SCFD1: variants seen among roughly 807,000 people sequenced by gnomAD.
SCFD1 encodes sec1 family domain containing 1.
Under a neutral mutation model 103.2 loss-of-function variants are expected in SCFD1, and 37 were observed. That is an observed-to-expected ratio of 0.36 (90% CI 0.28 to 0.47). The LOEUF is 0.47. Among genes scored for constraint, SCFD1 ranks in the 20% least tolerant of loss-of-function variants. The pLI is 1.00. For missense variants in SCFD1, 639 were observed against 761.2 expected, an observed-to-expected ratio of 0.84 and a Z score of 1.89; for synonymous variants, 264 against 245.0, an observed-to-expected ratio of 1.08 and a Z score of -0.73.
intron 12 of SCFD1, 129 bp from the exon 13 acceptor site, chr14:30,673,795 C>T (rs1888768514): frequency 1.0e-5 from 7 of 668,298 alleles, no homozygotes; most frequent in Non-Finnish European, 1.9e-5. Context: ...AATTACTATT[C>T]TAGGTGACTT....
intron 6 of SCFD1, among the ~76,000 whole-genome samples, chr14:30,642,497 T>G (rs1885381310): frequency 6.6e-6 from 1 of 152,184 alleles, no homozygotes. Context: ...TTCCCCATAT[T>G]CCCTGGGTGA....
At chr14:30,639,481 T>TA (rs1885054801) in intron 5 of SCFD1, among the ~76,000 whole-genome samples, 1 of 152,230 alleles carries the variant, frequency 6.6e-6, no homozygotes, top group Non-Finnish European at 1.5e-5. Flanking sequence ...TCAAAATTGA[T>TA]ATCCATTCCC....
At chr14:30,627,755 A>G (rs1883644026) in intron 1 of SCFD1, among the ~76,000 whole-genome samples, 3 of 150,906 alleles carry the variant, frequency 2.0e-5, no homozygotes, top group Admixed American at 1.3e-4. Flanking sequence ...GAAAAAAAAA[A>G]AAAAAAAAAA....
chr14:30,625,948 A>C (rs1883389091), intron 1 of SCFD1, among the ~76,000 whole-genome samples: 1 of 151,988 alleles, frequency 6.6e-6, no homozygotes, highest in African/African-American at 2.4e-5. Context: ...TCGTTCTTCC[A>C]AGTTGTCAGG....
At chr14:30,709,619 T>A (rs1460955529) in intron 19 of SCFD1, among the ~76,000 whole-genome samples, 1 of 152,238 alleles carries the variant, frequency 6.6e-6, no homozygotes, top group Non-Finnish European at 1.5e-5. Flanking sequence ...CTACTTTTTC[T>A]TACTCGTTCG....
In SCFD1 at chr14:30,735,590, C is replaced by A; in HGVS notation, c.1910C>A (p.Ser637Ter). Reference sequence around the variant, plus strand: ...TGATTTTGTGTTTTGTTTTAGTTGTCACAACTTGGACAAAAGTAACACAGA... The same window carrying A: ...TGATTTTGTGTTTTGTTTTAGTTGTAACAACTTGGACAAAAGTAACACAGA... ...FNATQFIKQL[S>*]QLGQK The change falls in exon 25 of 25, where the codon TCA becomes TAA. Residue 637 changes from serine to a stop codon, truncating the protein, a stop_gained. Transcript: ENST00000458591. LOFTEE classifies it high-confidence loss of function. The A allele has an allele frequency of 6.3e-7, 1 of 1,587,272 alleles. No individual in the cohort carries two copies. The highest frequency in any genetic ancestry group is 1.1e-5 in the South Asian group (1 of 88,268).
At chr14:30,638,593 T>G (rs1424412360) in intron 5 of SCFD1, among the ~76,000 whole-genome samples, 1 of 152,114 alleles carries the variant, frequency 6.6e-6, no homozygotes, top group East Asian at 1.9e-4. Flanking sequence ...GTTGACATTG[T>G]TTTATCTGTA....
At chr14:30,650,674 T>G in intron 9 of SCFD1, 24 bp downstream of exon 9, 2 of 1,271,680 alleles carry the variant, frequency 1.6e-6, no homozygotes, top group Non-Finnish European at 2.3e-6. Context: ...TAAATACACT[T>G]GTAAGACTTT....
At chr14:30,648,845 G>A (rs1274664208) in intron 7 of SCFD1, among the ~76,000 whole-genome samples, 4 of 152,016 alleles carry the variant, frequency 2.6e-5, no homozygotes. Flanking sequence ...TTGGTGGCCT[G>A]TGCCTGCGGT....
At position 30,735,775 on chromosome 14, in the gene SCFD1, T is replaced by TAAAAG. The variant is rs1893801575; in HGVS notation, c.*170_*174dup. 1.3e-5 allele frequency: 6 copies of TAAAAG among 474,538 alleles called. No individual in the cohort carries two copies. Among genetic ancestry groups the TAAAAG allele is most frequent in the Admixed American group, 4.3e-5 (1 of 23,414 alleles). The allele number at this position is 474,538 out of a possible 1,614,324, so 29.4% of individuals were successfully genotyped here. On this transcript the variant is annotated 3_prime_UTR_variant, in exon 25 of 25. Coordinates refer to ENST00000458591, the MANE Select transcript of SCFD1 (RefSeq NM_016106.4). ...AATTATATACTTAATATGTATTGAT[T>TAAAAG]AAAAGAAACATTTCAGAAATAAAAT...
rs745695137 is a variant in SCFD1 at position 30,653,476 on chromosome 14, T to C, written c.756-13T>C. On this transcript the variant is annotated splice_polypyrimidine_tract_variant and intron_variant, in intron 9 of 24. Coordinates refer to ENST00000458591, the MANE Select transcript of SCFD1 (RefSeq NM_016106.4). ...TCAAGAGTTATGTAATTTTTTTATA[T>C]GTATATTTACAGCTTCCAGAGGCCC... 3.8e-6 allele frequency: 6 copies of C among 1,559,122 alleles called. No homozygotes were observed. Among genetic ancestry groups the C allele is most frequent in the Non-Finnish European group, 5.3e-6 (6 of 1,133,992 alleles).
At chr14:30,717,863 G>A (rs1892387981) in intron 20 of SCFD1, among the ~76,000 whole-genome samples, 1 of 147,042 alleles carries the variant, frequency 6.8e-6, no homozygotes, top group African/African-American at 2.5e-5. Context: ...CAGCCTGGGT[G>A]ACAGAGCAAG....
At chr14:30,699,547 G>A (rs1890932602) in intron 15 of SCFD1, among the ~76,000 whole-genome samples, 1 of 152,112 alleles carries the variant, frequency 6.6e-6, no homozygotes, top group African/African-American at 2.4e-5. Context: ...TTACTTTGAA[G>A]TCTTATGTTT....
At chr14:30,633,271 G>A (rs751625920) in intron 3 of SCFD1, among the ~76,000 whole-genome samples, 3 of 152,266 alleles carry the variant, frequency 2.0e-5, no homozygotes, top group South Asian at 4.2e-4. Context: ...CTAGAGAGAG[G>A]TGAATATTCC....
chr14:30,691,920 G>A (rs868574634), intron 14 of SCFD1, among the ~76,000 whole-genome samples: 10 of 139,960 alleles, frequency 7.1e-5, no homozygotes, highest in South Asian at 6.8e-4. Flanking sequence ...ATCTGCTATG[G>A]CATTTAGCAT....
At position 30,705,850 on chromosome 14, in the gene SCFD1, G is replaced by A. The variant is rs368383542; in HGVS notation, c.1518G>A (p.Pro506=). Residue 506 remains proline (P), a synonymous_variant, in exon 18 of 25, where the codon CCG becomes CCA. Transcript: ENST00000458591. ...WKAFTKMASA[P]ASYGSTTTKP... ...CTTTTACCAAGATGGCCTCAGCTCCGGCCAGCTATGGCAGCACTACCACTA... is the reference window on the plus strand; with the variant it reads ...CTTTTACCAAGATGGCCTCAGCTCCAGCCAGCTATGGCAGCACTACCACTA... The A allele has an allele frequency of 3.7e-5, 59 of 1,613,234 alleles. No individual in the cohort carries two copies. Among genetic ancestry groups the A allele is most frequent in the African/African-American group, 9.4e-5 (7 of 74,812 alleles).
At chr14:30,707,054 A>C (rs1891519164) in intron 18 of SCFD1, among the ~76,000 whole-genome samples, 1 of 152,208 alleles carries the variant, frequency 6.6e-6, no homozygotes. Context: ...AGAGGGGAGT[A>C]AGGCAAGATG....
At chr14:30,709,011 G>A (rs7142948) in intron 19 of SCFD1, among the ~76,000 whole-genome samples, 74,695 of 151,994 alleles carry the variant, frequency 0.49, 21,276 homozygotes, top group African/African-American at 0.78. Flanking sequence ...AATTAAGTCA[G>A]TATCCATTCT....
intron 16 of SCFD1, among the ~76,000 whole-genome samples, chr14:30,701,753 G>A (rs1346707316): frequency 1.3e-5 from 2 of 151,870 alleles, no homozygotes; most frequent in Non-Finnish European, 2.9e-5. Context: ...GTTAAGATAG[G>A]CTCCTTTAAG....
Sources: gnomAD v4.1 joint callset for allele counts (sites outside exome capture counted in the v4.1 genomes callset) on GRCh38, gnomAD v4.1.1 for gene constraint, MANE v1.5 for transcripts, NCBI Gene and HGNC (gene_info 2026-07-23, HGNC 2026-07-21) for gene names.